The following CHAF1A variants were observed in gnomAD, a reference collection of about 807,000 sequenced individuals.
The protein encoded by CHAF1A is chromatin assembly factor 1 subunit A.
A neutral mutation model predicts 93.2 loss-of-function variants in CHAF1A; 5 were observed. That is an observed-to-expected ratio of 0.05 (90% CI 0.03 to 0.11). The LOEUF (loss-of-function observed/expected upper bound fraction) is 0.11, where lower values mean the gene tolerates loss of function less well. Ranked by LOEUF, CHAF1A falls within the 10% of genes least tolerant of loss-of-function variation. The pLI is 1.00. For synonymous variants in CHAF1A, 504 were observed against 510.3 expected, an observed-to-expected ratio of 0.99 and a Z score of 0.17; for missense variants, 1,102 against 1,259.9, an observed-to-expected ratio of 0.87 and a Z score of 1.90.
downstream of CHAF1A, chr19:4,447,762 G>C (rs140949456): frequency 1.2e-4 from 102 of 835,726 alleles, no homozygotes; most frequent in Non-Finnish European, 1.8e-4. Flanking sequence ...AGTGACGCGA[G>C]GGCAGCAGAC....
At chr19:4,429,287 C>G (rs934367650) in intron 8 of CHAF1A, 151 bp from the exon 9 acceptor site, 2 of 883,696 alleles carry the variant, frequency 2.3e-6, no homozygotes, top group Non-Finnish European at 3.4e-6. Context: ...GTCCATGTTC[C>G]TGACCTTTCT....
At chr19:4,421,065 T>C (rs1415993940) in intron 4 of CHAF1A, among the ~76,000 whole-genome samples, 2 of 152,128 alleles carry the variant, frequency 1.3e-5, no homozygotes, top group Admixed American at 1.3e-4. Flanking sequence ...AGACTCTATC[T>C]CCAAATAAAT....
intron 2 of CHAF1A, 144 bp downstream of exon 2, chr19:4,406,106 C>T (rs1032070170): frequency 1.4e-4 from 93 of 688,364 alleles, no homozygotes; most frequent in Middle Eastern, 3.0e-4. Flanking sequence ...ATGCTTTTCA[C>T]ACAGTAATGT....
At chr19:4,404,482 A>G (rs1237530817) in intron 1 of CHAF1A, among the ~76,000 whole-genome samples, 1 of 152,190 alleles carries the variant, frequency 6.6e-6, no homozygotes, top group Non-Finnish European at 1.5e-5. Context: ...GTAGAAATCC[A>G]TGGCTTTTGG....
intron 8 of CHAF1A, 84 bp downstream of exon 8, chr19:4,428,974 C>A: frequency 9.0e-7 from 1 of 1,113,296 alleles, no homozygotes; most frequent in Non-Finnish European, 1.3e-6. Flanking sequence ...GGGGTGGGAG[C>A]TCTGGGTCCT....
intron 4 of CHAF1A, 28 bp downstream of exon 4, chr19:4,418,104 T>G (rs180916022): frequency 3.9e-5 from 58 of 1,504,840 alleles, no homozygotes; most frequent in Admixed American, 3.4e-4. Context: ...AAATAGAAAA[T>G]TAACCTGCTG....
chr19:4,427,038 C>T (rs2145117764), intron 7 of CHAF1A, among the ~76,000 whole-genome samples: 1 of 148,652 alleles, frequency 6.7e-6, no homozygotes, highest in East Asian at 2.1e-4. Context: ...TTGCAGTGAG[C>T]CGAGATTGCA....
chr19:4,427,938 G>T (rs1412094831), intron 7 of CHAF1A, among the ~76,000 whole-genome samples: 1 of 152,182 alleles, frequency 6.6e-6, no homozygotes, highest in East Asian at 1.9e-4. Flanking sequence ...TGGCCAGGCT[G>T]GTCTCGAACT....
downstream of CHAF1A, chr19:4,447,035 A>T (rs1974547840): frequency 5.7e-6 from 6 of 1,052,374 alleles, no homozygotes; most frequent in Non-Finnish European, 8.5e-6. Flanking sequence ...CGACCCCTGG[A>T]TGGGGCCCAG....
intron 1 of CHAF1A, 22 bp from the exon 2 acceptor site, chr19:4,405,890 C>G (rs1422472881): frequency 1.9e-6 from 3 of 1,609,050 alleles, no homozygotes; most frequent in East Asian, 2.2e-5. Context: ...AACAGTTTAC[C>G]CTTTGACACT....
At position 4,423,796 on chromosome 19, in the gene CHAF1A, A is replaced by G. The variant is rs991567407; in HGVS notation, c.1309-10A>G. On this transcript the variant is annotated splice_polypyrimidine_tract_variant and intron_variant, in intron 6 of 14. Coordinates refer to ENST00000301280, the MANE Select transcript of CHAF1A (RefSeq NM_005483.3). ...CTCCTCTTTCTCATCACCATCTCTT[A>G]ACATCACAGCGCATTAAAGCAGAGA... The G allele has an allele frequency of 6.8e-6, 11 of 1,613,112 alleles. No individual in the cohort carries two copies. The African/African-American group carries it at 1.5e-4, about 22-fold the overall frequency.
downstream of CHAF1A, chr19:4,449,639 G>A (rs570297464): frequency 1.2e-3 from 186 of 152,424 alleles, no homozygotes; most frequent in Admixed American, 2.1e-3. Context: ...CGTTTTGGGC[G>A]ACTGGCTGCC....
intron 1 of CHAF1A, 60 bp downstream of exon 1, chr19:4,402,874 A>G: frequency 9.3e-7 from 1 of 1,071,240 alleles, no homozygotes; most frequent in Non-Finnish European, 1.2e-6. Context: ...GGACGGGCCG[A>G]GGCGGCGATG....
In CHAF1A at chr19:4,443,033, G is replaced by A; in HGVS notation, c.*8G>A. 6.5e-7 allele frequency: 1 copy of A among 1,544,164 alleles called. No individual in the cohort carries two copies. Among genetic ancestry groups the A allele is most frequent in the Non-Finnish European group, 8.8e-7 (1 of 1,130,926 alleles). Reference sequence around the variant, plus strand: ...CCACTGGGTGCATCCTGAGAGCAGGGGTGACGTATGTAGAATGCTTAGGGT... The same window carrying A: ...CCACTGGGTGCATCCTGAGAGCAGGAGTGACGTATGTAGAATGCTTAGGGT... On this transcript the variant is annotated 3_prime_UTR_variant, in exon 15 of 15. Transcript: ENST00000301280.
At chr19:4,420,164 C>T (rs80334602) in intron 4 of CHAF1A, among the ~76,000 whole-genome samples, 186 of 152,176 alleles carry the variant, frequency 1.2e-3, no homozygotes, top group Non-Finnish European at 2.2e-3. Context: ...AGGCTCCAGA[C>T]GTGTGGGAAG....
intron 1 of CHAF1A, among the ~76,000 whole-genome samples, chr19:4,403,762 C>G (rs1973631129): frequency 6.6e-6 from 1 of 152,256 alleles, no homozygotes; most frequent in Non-Finnish European, 1.5e-5. Flanking sequence ...GGCTGTAGTT[C>G]CTTCTAGCCT....
rs561576076 is a variant in CHAF1A at position 4,411,378 on chromosome 19, C to T, written c.960+1619C>T. Among the ~76,000 whole-genome samples the T allele has an allele frequency of 3.3e-4, 50 of 152,166 alleles. 1 individual carries two copies. The highest frequency in any genetic ancestry group is 1.2e-3 in the African/African-American group (50 of 41,534). Reference sequence around the variant, plus strand: ...TCAAGTAGCTGGGATTAGAGGCACCCGCCACCATGCCCAGCTAATTTTTGT... The same window carrying T: ...TCAAGTAGCTGGGATTAGAGGCACCTGCCACCATGCCCAGCTAATTTTTGT... On this transcript the variant is annotated intron_variant, in intron 3 of 14. Coordinates refer to ENST00000301280, the MANE Select transcript of CHAF1A (RefSeq NM_005483.3).
At chr19:4,441,559 G>T (rs2145154415) in intron 13 of CHAF1A, among the ~76,000 whole-genome samples, 1 of 152,144 alleles carries the variant, frequency 6.6e-6, no homozygotes, top group Non-Finnish European at 1.5e-5. Flanking sequence ...AGTGAGCTGA[G>T]ATTGTGCCAC....
At chr19:4,419,326 G>A (rs964385893) in intron 4 of CHAF1A, among the ~76,000 whole-genome samples, 38 of 152,114 alleles carry the variant, frequency 2.5e-4, no homozygotes, top group Non-Finnish European at 1.0e-4. Flanking sequence ...TGGGCTCTGC[G>A]TTTACTGAGT....
Sources: gnomAD v4.1 joint callset for allele counts (sites outside exome capture counted in the v4.1 genomes callset) on GRCh38, gnomAD v4.1.1 for gene constraint, MANE v1.5 for transcripts, NCBI Gene and HGNC (gene_info 2026-07-23, HGNC 2026-07-21) for gene names.